CNNM1: variants seen among roughly 807,000 people sequenced by gnomAD.
The protein encoded by CNNM1 is cyclin and CBS domain divalent metal cation transport mediator 1.
CNNM1 carries 44 observed loss-of-function variants against 78.8 expected under a neutral mutation model. The ratio of observed to expected loss-of-function variants is 0.56; its 90% CI spans 0.44 to 0.72. CNNM1 has a LOEUF of 0.72. CNNM1 is among the 30% of genes least tolerant of loss of function. CNNM1 has a pLI of 0.00. For synonymous variants in CNNM1, 584 were observed against 581.5 expected (o/e 1.00, Z -0.06); for missense variants, 1,101 against 1,292.2 (o/e 0.85, Z 2.27).
At chr10:99,351,447 G>C (rs2030944091) in intron 1 of CNNM1, among the ~76,000 whole-genome samples, 1 of 152,202 alleles carries the variant, frequency 6.6e-6, no homozygotes, top group Non-Finnish European at 1.5e-5. Context: ...GAAATAATGT[G>C]TGTTAGATAC....
At position 99,346,306 on chromosome 10, in the gene CNNM1, C is replaced by T. The variant is rs920641211; in HGVS notation, c.1574-11206C>T. Among the ~76,000 whole-genome samples, 11 of 152,248 alleles carry T rather than the reference C, an allele frequency of 7.2e-5. No homozygotes were observed. In the East Asian group the frequency reaches 1.2e-3, roughly 16 times the overall value. Reference sequence around the variant, plus strand: ...GGGATGAGGGCATAGAAATTAAGGACACTTTGAATTAGAGGAGGAAAAAAA... The same window carrying T: ...GGGATGAGGGCATAGAAATTAAGGATACTTTGAATTAGAGGAGGAAAAAAA... On this transcript the variant is annotated intron_variant, in intron 1 of 10. Transcript: ENST00000356713.
chr10:99,391,235 T>C (rs1485172934), intron 10 of CNNM1, among the ~76,000 whole-genome samples: 4 of 152,272 alleles, frequency 2.6e-5, no homozygotes, highest in Non-Finnish European at 5.9e-5. Context: ...AGATGGCATC[T>C]TATGTGGAAA....
At chr10:99,342,628 C>A (rs1425298408) in intron 1 of CNNM1, among the ~76,000 whole-genome samples, 1 of 151,774 alleles carries the variant, frequency 6.6e-6, no homozygotes, top group Non-Finnish European at 1.5e-5. Context: ...TTGTGTTTCT[C>A]TTCCTGATTT....
At chr10:99,380,021 CTTTTTTTTT>C (rs34165882) in intron 7 of CNNM1, among the ~76,000 whole-genome samples, 1 of 103,938 alleles carries the variant, frequency 9.6e-6, no homozygotes, top group African/African-American at 3.7e-5. Context: ...TAAACTCTCT[CTTTTTTTTT>C]TTTTTTTTTT....
intron 6 of CNNM1, 50 bp from the exon 7 acceptor site, chr10:99,377,005 C>G: frequency 7.3e-6 from 5 of 687,524 alleles, no homozygotes; most frequent in Non-Finnish European, 1.2e-5. Context: ...CCCCCTTCTT[C>G]CTCCCCACCC....
At position 99,391,860 on chromosome 10, in the gene CNNM1, C is replaced by A. The variant is rs938266287; in HGVS notation, c.*344C>A. On this transcript the variant is annotated 3_prime_UTR_variant, in exon 11 of 11. Transcript: ENST00000356713. ...ATGCTCTTCTTTGTTCTTTGGGTCC[C>A]CTGATGCCATAGGAGACCTATCGTC... 3.0e-5 allele frequency: 7 copies of A among 230,524 alleles called. No individual in the cohort carries two copies. Among genetic ancestry groups the A allele is most frequent in the Non-Finnish European group, 5.1e-5 (6 of 116,784 alleles). The allele number at this position is 230,524 out of a possible 1,614,324, so 14.3% of individuals were successfully genotyped here.
At chr10:99,344,803 G>T (rs2030614102) in intron 1 of CNNM1, among the ~76,000 whole-genome samples, 1 of 152,178 alleles carries the variant, frequency 6.6e-6, no homozygotes, top group South Asian at 2.1e-4. Flanking sequence ...ACATAAGAAG[G>T]CTTGGATTTG....
At chr10:99,337,942 A>G (rs1307499818) in intron 1 of CNNM1, among the ~76,000 whole-genome samples, 1 of 152,226 alleles carries the variant, frequency 6.6e-6, no homozygotes, top group Non-Finnish European at 1.5e-5. Flanking sequence ...TGTTGCATCT[A>G]TTGTTTCTCA....
In CNNM1 at chr10:99,368,323, C is replaced by T. The variant is rs111728841; in HGVS notation, c.2176+3321C>T. On this transcript the variant is annotated intron_variant, in intron 6 of 10. Coordinates refer to ENST00000356713, the MANE Select transcript of CNNM1 (RefSeq NM_020348.3). ...TGGGAGCCTCAGAGAATGCTGCCTA[C>T]ATGCTTCCCACAGGGCTCGGCTTGT... 2.6e-3 allele frequency: 750 copies of T among 289,552 alleles called. 1 individual carries two copies. The highest frequency in any genetic ancestry group is 4.5e-3 in the Non-Finnish European group (647 of 144,364). 17.9% of individuals were successfully genotyped at this position (289,552 alleles called of 1,614,324 possible).
intron 6 of CNNM1, among the ~76,000 whole-genome samples, chr10:99,370,904 C>T (rs1327767545): frequency 6.6e-6 from 1 of 152,076 alleles, no homozygotes; most frequent in Non-Finnish European, 1.5e-5. Context: ...TGATTTGACT[C>T]CCCACAATCA....
chr10:99,388,258 A>G lies in CNNM1; in HGVS notation c.2631A>G (p.Thr877=). 6.2e-7 allele frequency: 1 copy of G among 1,613,918 alleles called. No homozygotes were observed. The highest frequency in any genetic ancestry group is 8.5e-7 in the Non-Finnish European group (1 of 1,179,872). The change falls in exon 9 of 11, where the codon ACA becomes ACG. Residue 877 remains threonine (T), a synonymous_variant. Transcript: ENST00000356713. The part of the protein sequence containing the change: ...EEMTDFEEHS[T]QQLTLSPAAV... ...TGACTGACTTCGAGGAGCACAGCAC[A>G]CAGCAGCTCACGCTGTCTCCTGCAG...
intron 6 of CNNM1, chr10:99,368,620 C>A (rs2031700706): frequency 7.8e-7 from 1 of 1,289,588 alleles, no homozygotes; most frequent in South Asian, 1.2e-5. Flanking sequence ...CTCTTTAGTG[C>A]CTGTCTCTGT....
At chr10:99,359,315 G>A (rs939653662) in intron 2 of CNNM1, among the ~76,000 whole-genome samples, 3 of 152,092 alleles carry the variant, frequency 2.0e-5, no homozygotes, top group South Asian at 4.2e-4. Flanking sequence ...GAAAGAGCTG[G>A]GCTAATAGCC....
chr10:99,389,364 G>C (rs1484154197), intron 9 of CNNM1, among the ~76,000 whole-genome samples: 4 of 149,642 alleles, frequency 2.7e-5, no homozygotes, highest in African/African-American at 9.9e-5. Context: ...TTGCAGTGAG[G>C]CGAGATGGCG....
At position 99,330,590 on chromosome 10, in the gene CNNM1, G is replaced by A; in HGVS notation, c.1203G>A (p.Leu401=). Reference sequence around the variant, plus strand: ...CGCGGGAGAAGTTGCTGGAGACGTTGCGGGCCGCAGACCCCTACAGTGACC... The same window carrying A: ...CGCGGGAGAAGTTGCTGGAGACGTTACGGGCCGCAGACCCCTACAGTGACC... ...FYTREKLLET[L]RAADPYSDLV... Residue 401 remains leucine, a synonymous_variant, in exon 1 of 11, where the codon TTG becomes TTA. Transcript: ENST00000356713. 6.2e-7 allele frequency: 1 copy of A among 1,612,304 alleles called. No individual in the cohort carries two copies.
At chr10:99,374,765 C>G (rs1307989133) in intron 6 of CNNM1, among the ~76,000 whole-genome samples, 2 of 152,204 alleles carry the variant, frequency 1.3e-5, no homozygotes, top group Non-Finnish European at 2.9e-5. Flanking sequence ...AGTACCTTCT[C>G]TAGGCCAGGC....
At chr10:99,361,030 C>G (rs3763792) in intron 3 of CNNM1, 55 bp downstream of exon 3, 42 of 1,517,362 alleles carry the variant, frequency 2.8e-5, no homozygotes, top group Non-Finnish European at 3.6e-5. Flanking sequence ...GGGTGGGACC[C>G]AGGCACCAAT....
chr10:99,357,271 A>T (rs1441753109), intron 1 of CNNM1, among the ~76,000 whole-genome samples: 1 of 152,178 alleles, frequency 6.6e-6, no homozygotes, highest in Non-Finnish European at 1.5e-5. Context: ...AAAAAAACTA[A>T]CTGGTTTTGA....
intron 6 of CNNM1, among the ~76,000 whole-genome samples, chr10:99,373,940 T>G (rs2031887107): frequency 6.6e-6 from 1 of 152,128 alleles, no homozygotes; most frequent in African/African-American, 2.4e-5. Flanking sequence ...CACACACATA[T>G]ACAAAATCAC....
Sources: gnomAD v4.1 joint callset for allele counts (sites outside exome capture counted in the v4.1 genomes callset) on GRCh38, gnomAD v4.1.1 for gene constraint, MANE v1.5 for transcripts, NCBI Gene and HGNC (gene_info 2026-07-23, HGNC 2026-07-21) for gene names.